Variants in AFF1 observed in about 807,000 individuals in gnomAD.
AFF1 encodes ALF transcription elongation factor 1, also known as AF4/FMR2 family member 1.
In AFF1, 48 loss-of-function variants were observed where a neutral mutation model predicts 121.7. The ratio of observed to expected loss-of-function variants is 0.39; its 90% CI spans 0.31 to 0.50. The LOEUF (loss-of-function observed/expected upper bound fraction) is 0.50, where lower values mean the gene tolerates loss of function less well. Ranked by LOEUF, AFF1 falls within the 20% of genes least tolerant of loss-of-function variation. AFF1 has a pLI of 0.76. For missense variants in AFF1, 1,523 were observed against 1,511.7 expected (o/e 1.01, Z -0.12); for synonymous variants, 613 against 563.0 (o/e 1.09, Z -1.26).
chr4:86,974,314 A>T (rs1398683719), intron 2 of AFF1, among the ~76,000 whole-genome samples: 8 of 151,820 alleles, frequency 5.3e-5, no homozygotes, highest in Non-Finnish European at 7.4e-5. Flanking sequence ...CGCCGGGCTA[A>T]TTTTTTTGTA....
At chr4:87,087,954 G>C (rs1395550099) in intron 5 of AFF1, among the ~76,000 whole-genome samples, 1 of 152,214 alleles carries the variant, frequency 6.6e-6, no homozygotes, top group Non-Finnish European at 1.5e-5. Context: ...CTTTGGTGCA[G>C]TATTGAAATT....
intron 3 of AFF1, 49 bp from the exon 4 acceptor site, chr4:87,046,646 G>A: frequency 2.6e-6 from 4 of 1,546,264 alleles, no homozygotes; most frequent in Non-Finnish European, 3.5e-6. Context: ...TTGTTAAATG[G>A]TAGTTTTCCT....
intron 1 of AFF1, among the ~76,000 whole-genome samples, chr4:86,943,714 C>T (rs935750228): frequency 3.3e-5 from 5 of 151,874 alleles, no homozygotes; most frequent in African/African-American, 1.2e-4. Context: ...AATCCCAGCA[C>T]TTTGGGAGGC....
rs369100146 is a variant in AFF1, at chr4:87,126,352, G to A, written c.2811+16G>A. 355 of 1,608,404 alleles carry A rather than the reference G, an allele frequency of 2.2e-4. No individual in the cohort carries two copies. The highest frequency in any genetic ancestry group is 2.2e-4 in the Non-Finnish European group (258 of 1,174,982). On this transcript the variant is annotated intron_variant, in intron 14 of 20. Transcript: ENST00000395146. ...GGAGCACAAGGTGAGCAGGGGCGGC[G>A]GTCACTCTGTAAGATGGGATGCATT...
intron 1 of AFF1, among the ~76,000 whole-genome samples, chr4:86,944,320 C>T (rs1185487016): frequency 2.0e-5 from 3 of 151,854 alleles, no homozygotes; most frequent in African/African-American, 7.3e-5. Flanking sequence ...CCCATGAAGC[C>T]CCTGTATTAC....
At chr4:86,998,387 A>G (rs956554830) in intron 2 of AFF1, among the ~76,000 whole-genome samples, 15 of 152,178 alleles carry the variant, frequency 9.9e-5, no homozygotes, top group African/African-American at 3.6e-4. Flanking sequence ...ACTTGATTAT[A>G]GTTGTTTTGT....
At chr4:87,091,021 CAAAA>C (rs72486264) in intron 6 of AFF1, among the ~76,000 whole-genome samples, 25 of 64,828 alleles carry the variant, frequency 3.9e-4, no homozygotes, top group Non-Finnish European at 5.8e-4. Context: ...TCTCTACCAC[CAAAA>C]AAAAAAAAAA....
At chr4:87,105,041 C>T (rs1326618904) in intron 8 of AFF1, among the ~76,000 whole-genome samples, 1 of 152,166 alleles carries the variant, frequency 6.6e-6, no homozygotes, top group East Asian at 1.9e-4. Flanking sequence ...TGTAAAGTAA[C>T]TGCACTGTTG....
intron 16 of AFF1, among the ~76,000 whole-genome samples, chr4:87,130,732 A>G (rs897290907): frequency 6.6e-6 from 1 of 152,196 alleles, no homozygotes. Context: ...TACTCCAGAC[A>G]TGTGGAATAA....
At chr4:87,034,808 T>C (rs143771081) in intron 2 of AFF1, among the ~76,000 whole-genome samples, 1 of 113,208 alleles carries the variant, frequency 8.8e-6, no homozygotes, top group Non-Finnish European at 2.0e-5. Flanking sequence ...TAGGTATCAA[T>C]GAGTCACATT....
intron 4 of AFF1, among the ~76,000 whole-genome samples, chr4:87,073,094 A>AT (rs1028455837): frequency 1.5e-4 from 23 of 151,914 alleles, no homozygotes; most frequent in African/African-American, 5.5e-4. Context: ...AAATCTGTTT[A>AT]TTGATAGGTT....
chr4:87,021,347 C>T (rs1727879979), intron 2 of AFF1, among the ~76,000 whole-genome samples: 1 of 152,190 alleles, frequency 6.6e-6, no homozygotes, highest in African/African-American at 2.4e-5. Flanking sequence ...AGACACCACT[C>T]ATTTATCTTG....
intron 2 of AFF1, among the ~76,000 whole-genome samples, chr4:86,972,122 A>T: frequency 8.4e-6 from 1 of 118,640 alleles, no homozygotes; most frequent in Admixed American, 1.0e-4. Context: ...GCAGAGCCAG[A>T]GCTTGTCTCA....
chr4:86,970,079 A>G (rs183305613), intron 2 of AFF1, among the ~76,000 whole-genome samples: 1 of 152,112 alleles, frequency 6.6e-6, no homozygotes, highest in Non-Finnish European at 1.5e-5. Flanking sequence ...CTTTTGGGGG[A>G]ATATAATTAT....
Position 87,069,271 on chromosome 4 carries a change from CTTTTTT to C in AFF1, c.1060-14832_1060-14827del, listed in dbSNP as rs753186809. The stretch of plus-strand genomic sequence containing the variant: ...ACAGGTGGCGTGGTGTGTGTGGCCT[CTTTTTT>C]TTTTTTTTTTTTTTTTGGCTACCAC... On this transcript the variant is annotated intron_variant, in intron 4 of 20. Coordinates refer to ENST00000395146, the MANE Select transcript of AFF1 (RefSeq NM_001166693.3). Among the ~76,000 whole-genome samples the C allele has an allele frequency of 1.3e-3, 107 of 80,568 alleles. 1 individual carries two copies. Among genetic ancestry groups the C allele is most frequent in the African/African-American group, 3.0e-3 (56 of 18,568 alleles). 52.9% of individuals were successfully genotyped at this position (80,568 alleles called of 152,430 possible).
intron 2 of AFF1, among the ~76,000 whole-genome samples, chr4:87,021,815 G>A (rs1578080953): frequency 6.6e-6 from 1 of 152,144 alleles, no homozygotes; most frequent in Non-Finnish European, 1.5e-5. Flanking sequence ...ACACATAGGG[G>A]AAAAAGGGGT....
At chr4:87,004,663 G>A (rs1725959311) in intron 2 of AFF1, among the ~76,000 whole-genome samples, 1 of 152,072 alleles carries the variant, frequency 6.6e-6, no homozygotes. Flanking sequence ...TCCTTTGAGC[G>A]TCATGTCAGT....
chr4:86,973,583 T>C (rs1723090630), intron 2 of AFF1, among the ~76,000 whole-genome samples: 1 of 152,158 alleles, frequency 6.6e-6, no homozygotes, highest in Non-Finnish European at 1.5e-5. Context: ...TTTTCCTTAT[T>C]TATTTCTGGA....
chr4:86,960,343 T>C (rs1277465607), intron 2 of AFF1, among the ~76,000 whole-genome samples: 2 of 152,178 alleles, frequency 1.3e-5, no homozygotes, highest in Admixed American at 6.5e-5. Context: ...TTCCGCTGCG[T>C]TGTTACAGTA....
Sources: allele counts gnomAD v4.1 joint callset (sites outside exome capture counted in the v4.1 genomes callset), GRCh38; gene constraint gnomAD v4.1.1; transcripts MANE v1.5; gene names NCBI Gene and HGNC (gene_info 2026-07-23, HGNC 2026-07-21).